The following MED13L variants were observed in gnomAD, a reference collection of about 807,000 sequenced individuals.
MED13L encodes mediator complex subunit 13L, also known as mediator of RNA polymerase II transcription subunit 13-like.
A neutral mutation model predicts 220.9 loss-of-function variants in MED13L; 7 were observed. That is an observed-to-expected ratio of 0.03 (90% confidence interval 0.02 to 0.06). MED13L has a LOEUF of 0.06. Among genes scored for constraint, MED13L ranks in the 10% least tolerant of loss-of-function variants. The probability of loss-of-function intolerance (pLI) is 1.00; values close to 1 mark genes in which losing one functional copy is unlikely to be tolerated. For synonymous variants in MED13L, 1,011 were observed against 1,015.2 expected, an observed-to-expected ratio of 1.00 and a Z score of 0.08; for missense variants, 1,965 against 2,760.5, an observed-to-expected ratio of 0.71 and a Z score of 6.46.
chr12:116,059,172 A>G (rs552735162), intron 4 of MED13L, among the ~76,000 whole-genome samples: 1 of 152,226 alleles, frequency 6.6e-6, no homozygotes, highest in South Asian at 2.1e-4. Context: ...GACTCAAGCA[A>G]TCCTCCCACC....
At chr12:116,248,511 A>G (rs1421178630) in intron 1 of MED13L, among the ~76,000 whole-genome samples, 2 of 152,226 alleles carry the variant, frequency 1.3e-5, no homozygotes, top group African/African-American at 2.4e-5. Context: ...CACACCTGAA[A>G]TAAGAGTCTC....
intron 2 of MED13L, among the ~76,000 whole-genome samples, chr12:116,122,269 A>C (rs564385170): frequency 2.0e-5 from 3 of 152,300 alleles, no homozygotes; most frequent in African/African-American, 7.2e-5. Context: ...CTTACCAAAG[A>C]AACTCAGTAA....
At chr12:116,143,583 A>G (rs1302495585) in intron 2 of MED13L, among the ~76,000 whole-genome samples, 1 of 152,116 alleles carries the variant, frequency 6.6e-6, no homozygotes, top group African/African-American at 2.4e-5. Flanking sequence ...ATTAATTTAT[A>G]CTTCCTCTCA....
At chr12:116,000,335 A>G (rs891001476) in intron 14 of MED13L, among the ~76,000 whole-genome samples, 32 of 152,362 alleles carry the variant, frequency 2.1e-4, no homozygotes, top group Non-Finnish European at 1.5e-5. Context: ...GCAAGGGTGG[A>G]AACAGCCACC....
intron 2 of MED13L, among the ~76,000 whole-genome samples, chr12:116,144,868 T>G (rs1051189365): frequency 2.0e-5 from 3 of 152,206 alleles, no homozygotes; most frequent in Non-Finnish European, 1.5e-5. Flanking sequence ...TAATCAAAAT[T>G]TATGCTACAA....
At chr12:115,998,917 A>C (rs190269634) in intron 14 of MED13L, among the ~76,000 whole-genome samples, 49 of 152,084 alleles carry the variant, frequency 3.2e-4, no homozygotes, top group African/African-American at 1.2e-3. Context: ...AAAACTAAAA[A>C]TCCCAAGTTG....
chr12:115,987,359 G>C (rs1017479466), intron 17 of MED13L, 71 bp from the exon 18 acceptor site: 9 of 1,395,322 alleles, frequency 6.5e-6, no homozygotes, highest in African/African-American at 5.7e-5. Context: ...CCATCACCTC[G>C]AGCCTCAGTT....
chr12:115,991,677 T>A lies in MED13L; in HGVS notation c.3277A>T (p.Asn1093Tyr). 1 of 1,613,944 alleles carries A rather than the reference T, an allele frequency of 6.2e-7. No individual in the cohort carries two copies. Among genetic ancestry groups the A allele is most frequent in the Non-Finnish European group, 8.5e-7 (1 of 1,179,976 alleles). Residue 1093 changes from asparagine (N) to tyrosine (Y), a missense_variant, in exon 17 of 31, where the codon AAC becomes TAC. This residue lies in a region of MED13L where 233 missense variants were observed against 306.2 expected (regional missense o/e 0.76). Coordinates refer to ENST00000281928, the MANE Select transcript of MED13L (RefSeq NM_015335.5). The surrounding 1 kb of genome is among the most constrained non-coding windows in gnomAD (Gnocchi z 7.7). The stretch of plus-strand genomic sequence containing the variant: ...TGCATGGTGGCGGGCTCCACAGAGT[T>A]GAGGGGCCGTGTAGTAGAGGGGGTG... ...ASTPSTTRPL[N>Y]SVEPATMQPI...
chr12:116,066,803 G>A (rs933844770), intron 4 of MED13L, among the ~76,000 whole-genome samples: 20 of 149,704 alleles, frequency 1.3e-4, no homozygotes, highest in African/African-American at 4.7e-4. Flanking sequence ...CAACTCTACC[G>A]GCTACCAACA....
At chr12:116,276,932 C>A (rs973836141) in intron 1 of MED13L, 128 bp downstream of exon 1, 18 of 1,097,754 alleles carry the variant, frequency 1.6e-5, no homozygotes, top group Non-Finnish European at 2.1e-5. Flanking sequence ...CGGCGAGAGG[C>A]GAACGGCGGG....
chr12:116,052,672 T>C (rs949918908), intron 4 of MED13L, among the ~76,000 whole-genome samples: 4 of 152,214 alleles, frequency 2.6e-5, no homozygotes, highest in South Asian at 2.1e-4. Flanking sequence ...TTACACCATT[T>C]TGACAAATTA....
At chr12:116,213,783 C>G (rs1346496252) in intron 2 of MED13L, among the ~76,000 whole-genome samples, 4 of 152,174 alleles carry the variant, frequency 2.6e-5, no homozygotes, top group Non-Finnish European at 5.9e-5. Context: ...TCTAATTTAC[C>G]TACACATACT....
At chr12:116,063,217 A>G (rs1049832002) in intron 4 of MED13L, among the ~76,000 whole-genome samples, 2 of 152,212 alleles carry the variant, frequency 1.3e-5, no homozygotes, top group Admixed American at 6.5e-5. Context: ...TTGTACTGAT[A>G]GTAGATAATA....
intron 2 of MED13L, among the ~76,000 whole-genome samples, chr12:116,126,908 C>A (rs1274026187): frequency 6.6e-6 from 1 of 152,196 alleles, no homozygotes; most frequent in Non-Finnish European, 1.5e-5. Flanking sequence ...CAAACCAACA[C>A]TGGTCAAGCA....
intron 2 of MED13L, among the ~76,000 whole-genome samples, chr12:116,148,076 A>AAAAAAAG (rs1264462636): frequency 2.0e-5 from 1 of 50,550 alleles, no homozygotes; most frequent in Admixed American, 2.4e-4. Flanking sequence ...AAAAAAAAAG[A>AAAAAAAG]GGGGGGCGGG....
chr12:116,101,508 G>A (rs1316882040), intron 3 of MED13L, among the ~76,000 whole-genome samples: 1 of 152,078 alleles, frequency 6.6e-6, no homozygotes, highest in African/African-American at 2.4e-5. Flanking sequence ...TTATGTGTAT[G>A]TATTCTCGCT....
chr12:116,038,800 A>G (rs1881351757), intron 4 of MED13L, among the ~76,000 whole-genome samples: 1 of 146,632 alleles, frequency 6.8e-6, no homozygotes, highest in African/African-American at 2.5e-5. Flanking sequence ...TACTGGTGCT[A>G]GCTAGGTATG....
At position 115,982,453 on chromosome 12, in the gene MED13L, G is replaced by T. The variant is rs1421147308; in HGVS notation, c.5106C>A (p.Ser1702Arg). The change falls in exon 22 of 31, where the codon AGC (serine) becomes AGA (arginine). Residue 1702 changes from serine to arginine, a missense_variant. This residue lies in a region of MED13L where 510 missense variants were observed against 620.4 expected (regional missense o/e 0.82). Transcript: ENST00000281928. ...DSTSGNFWLL[S>R]LMRCYTEMLD... ...GCATTTCTGTGTAGCAGCGCATCAA[G>T]CTCAACAGCCAAAAGTTCCCAGAAG... 1.9e-6 allele frequency: 3 copies of T among 1,614,166 alleles called. No individual in the cohort carries two copies. The highest frequency in any genetic ancestry group is 2.5e-6 in the Non-Finnish European group (3 of 1,180,016).
intron 12 of MED13L, 151 bp from the exon 13 acceptor site, chr12:116,006,144 T>C: frequency 7.5e-7 from 1 of 1,337,334 alleles, no homozygotes; most frequent in Non-Finnish European, 1.0e-6. Context: ...TCCAAATATG[T>C]TTATCAGTTT....
Sources: allele counts gnomAD v4.1 joint callset (sites outside exome capture counted in the v4.1 genomes callset), GRCh38; gene constraint gnomAD v4.1.1; regional missense constraint gnomAD v4.1.1; non-coding constraint Gnocchi (gnomAD v3.1); transcripts MANE v1.5; gene names NCBI Gene and HGNC (gene_info 2026-07-23, HGNC 2026-07-21).